Variants in PITPNC1 observed in about 807,000 individuals in gnomAD.
The protein encoded by PITPNC1 is cytoplasmic phosphatidylinositol transfer protein 1.
A neutral mutation model predicts 44.7 loss-of-function variants in PITPNC1; 18 were observed. The ratio of observed to expected loss-of-function variants is 0.40; its 90% CI spans 0.28 to 0.60. The LOEUF is 0.60. Among genes scored for constraint, PITPNC1 ranks in the 20% least tolerant of loss-of-function variants. The probability of loss-of-function intolerance (pLI) is 0.39; values close to 1 mark genes in which losing one functional copy is unlikely to be tolerated. For missense variants in PITPNC1, 290 were observed against 418.4 expected (o/e 0.69, Z 2.68); for synonymous variants, 141 against 149.6 (o/e 0.94, Z 0.42).
intron 1 of PITPNC1, among the ~76,000 whole-genome samples, chr17:67,467,514 C>G (rs112113274): frequency 6.6e-6 from 1 of 152,042 alleles, no homozygotes; most frequent in Non-Finnish European, 1.5e-5. Flanking sequence ...TTTGAAGTGG[C>G]CTTGCTTGGT....
At chr17:67,505,852 T>C (rs2040094632) in intron 1 of PITPNC1, among the ~76,000 whole-genome samples, 1 of 152,186 alleles carries the variant, frequency 6.6e-6, no homozygotes, top group South Asian at 2.1e-4. Context: ...GATGACAGAT[T>C]GGCCATATGT....
intron 1 of PITPNC1, among the ~76,000 whole-genome samples, chr17:67,519,413 G>A (rs1293066239): frequency 6.6e-6 from 1 of 152,112 alleles, no homozygotes; most frequent in Non-Finnish European, 1.5e-5. Flanking sequence ...CTGACCTCAA[G>A]TAATCCTCTT....
intron 5 of PITPNC1, among the ~76,000 whole-genome samples, chr17:67,631,657 A>ATATATATATATATAT (rs10524740): frequency 2.1e-3 from 16 of 7,670 alleles, no homozygotes; most frequent in South Asian, 7.9e-3. Flanking sequence ...AAAAAAAAAA[A>ATATATATATATATAT]ATATATATAT....
chr17:67,487,314 A>T (rs554599541), intron 1 of PITPNC1, among the ~76,000 whole-genome samples: 75 of 152,152 alleles, frequency 4.9e-4, no homozygotes, highest in African/African-American at 1.5e-3. Context: ...AGCTGGGATT[A>T]TAGGCACTCA....
intron 1 of PITPNC1, among the ~76,000 whole-genome samples, chr17:67,392,861 T>TA (rs2038159005): frequency 6.6e-6 from 1 of 152,192 alleles, no homozygotes. Context: ...GGCTTACACC[T>TA]GTAATCCTAG....
intron 8 of PITPNC1, among the ~76,000 whole-genome samples, chr17:67,683,506 C>T (rs914139294): frequency 2.0e-5 from 3 of 152,150 alleles, no homozygotes; most frequent in African/African-American, 7.2e-5. Context: ...CATTTATAGT[C>T]TGTGAGGATA....
At chr17:67,467,523 G>T (rs569732406) in intron 1 of PITPNC1, among the ~76,000 whole-genome samples, 6 of 152,284 alleles carry the variant, frequency 3.9e-5, no homozygotes, top group Admixed American at 3.3e-4. Flanking sequence ...GCCTTGCTTG[G>T]TGATTGAGTG....
chr17:67,655,543 G>A (rs2042254527), intron 6 of PITPNC1, among the ~76,000 whole-genome samples: 2 of 108,936 alleles, frequency 1.8e-5, no homozygotes, highest in Non-Finnish European at 3.4e-5. Context: ...CTGGACAACA[G>A]AGAGAGACTC....
intron 1 of PITPNC1, among the ~76,000 whole-genome samples, chr17:67,429,254 T>G (rs537453562): frequency 1.3e-5 from 2 of 152,314 alleles, no homozygotes; most frequent in Admixed American, 6.5e-5. Flanking sequence ...CCAGGTAAAA[T>G]GATTTCATGA....
Position 67,604,467 on chromosome 17 carries a change from G to T in PITPNC1, c.366+26210G>T, listed in dbSNP as rs1010193769. 3.9e-5 allele frequency among the ~76,000 whole-genome samples: 6 copies of T among 152,306 alleles called. 1 individual carries two copies. In the South Asian group the frequency reaches 8.3e-4, roughly 21 times the overall value. On this transcript the variant is annotated intron_variant, in intron 5 of 8. Coordinates refer to ENST00000581322, the MANE Select transcript of PITPNC1 (RefSeq NM_012417.4). ...AGAGATTGGCCTCAAAGACCCAAAA[G>T]CAAAAGAAATAAGTTAAAAATAAAA...
chr17:67,521,132 G>GC (rs2040320253), intron 1 of PITPNC1, among the ~76,000 whole-genome samples: 1 of 68,276 alleles, frequency 1.5e-5, no homozygotes, highest in Admixed American at 1.7e-4. Flanking sequence ...TGCAGCAACA[G>GC]CAGGATAGAG....
chr17:67,452,558 G>A (rs2039197714), intron 1 of PITPNC1, among the ~76,000 whole-genome samples: 1 of 149,326 alleles, frequency 6.7e-6, no homozygotes, highest in African/African-American at 2.5e-5. Flanking sequence ...CTGTCGCCAG[G>A]CTGGAGTCAC....
chr17:67,598,322 A>G (rs2706700), intron 5 of PITPNC1, among the ~76,000 whole-genome samples: 56,659 of 152,152 alleles, frequency 0.37, 11,687 homozygotes, highest in African/African-American at 0.56. Flanking sequence ...TGGAGCAATT[A>G]GCTCAGTGGT....
intron 5 of PITPNC1, among the ~76,000 whole-genome samples, chr17:67,608,033 C>A (rs2041631870): frequency 1.3e-5 from 2 of 151,998 alleles, no homozygotes; most frequent in Non-Finnish European, 2.9e-5. Flanking sequence ...CCCGGCCTGA[C>A]CCTTTACCCT....
At chr17:67,625,996 G>GT (rs1336800635) in intron 5 of PITPNC1, among the ~76,000 whole-genome samples, 9 of 149,696 alleles carry the variant, frequency 6.0e-5, no homozygotes, top group Non-Finnish European at 8.9e-5. Flanking sequence ...TTTGGTTTTG[G>GT]TTTTTTTTGA....
At chr17:67,492,984 T>C (rs1219083883) in intron 1 of PITPNC1, among the ~76,000 whole-genome samples, 2 of 152,154 alleles carry the variant, frequency 1.3e-5, no homozygotes, top group Non-Finnish European at 2.9e-5. Context: ...TGAATATACG[T>C]GGGCGCTTTT....
chr17:67,564,413 G>A (rs563074800), intron 4 of PITPNC1, among the ~76,000 whole-genome samples: 84 of 152,076 alleles, frequency 5.5e-4, no homozygotes, highest in Non-Finnish European at 9.9e-4. Flanking sequence ...GAGGGGAGGA[G>A]TGTGTCCCCA....
At chr17:67,418,501 T>C (rs755344575) in intron 1 of PITPNC1, among the ~76,000 whole-genome samples, 1 of 152,124 alleles carries the variant, frequency 6.6e-6, no homozygotes, top group Non-Finnish European at 1.5e-5. Context: ...ACTGTGTTGT[T>C]GCGGGGAAGG....
At chr17:67,546,424 T>C (rs2706692) in intron 2 of PITPNC1, among the ~76,000 whole-genome samples, 92,666 of 151,706 alleles carry the variant, frequency 0.61, 28,547 homozygotes, top group East Asian at 0.81. Flanking sequence ...ACTTAAGGAC[T>C]TGTGAGGGAC....
Sources: allele counts gnomAD v4.1 joint callset (sites outside exome capture counted in the v4.1 genomes callset), GRCh38; gene constraint gnomAD v4.1.1; transcripts MANE v1.5; gene names NCBI Gene and HGNC (gene_info 2026-07-23, HGNC 2026-07-21).